Variants in DIAPH2 observed in about 807,000 individuals in gnomAD.
DIAPH2 encodes diaphanous related formin 2.
DIAPH2 carries 35 observed loss-of-function variants against 92.7 expected under a neutral mutation model. That is an observed-to-expected ratio of 0.38 (90% confidence interval 0.29 to 0.50). The LOEUF is 0.50. Ranked by LOEUF, DIAPH2 falls within the 20% of genes least tolerant of loss-of-function variation. The pLI is 0.94. For missense variants in DIAPH2, 701 were observed against 819.5 expected (o/e 0.86, Z 1.77); for synonymous variants, 301 against 280.4 (o/e 1.07, Z -0.73).
intron 26 of DIAPH2, among the ~76,000 whole-genome samples, chrX:97,531,404 C>T (rs1156396265): frequency 2.7e-5 from 3 of 111,722 alleles, no homozygotes; most frequent in South Asian, 3.8e-4. Context: ...TGAGAGACCT[C>T]GTTAGACTCA....
chrX:97,133,929 G>T (rs2067154396), intron 21 of DIAPH2, among the ~76,000 whole-genome samples: 2 of 112,101 alleles, frequency 1.8e-5, no homozygotes, highest in Non-Finnish European at 3.8e-5. Context: ...ACTGAAACCC[G>T]ATGTCTGCAA....
chrX:97,053,910 C>T (rs1250514687), intron 17 of DIAPH2, among the ~76,000 whole-genome samples: 2 of 111,971 alleles, frequency 1.8e-5, no homozygotes, highest in East Asian at 5.6e-4. Context: ...GCAGTCACTT[C>T]AGGCTCTAGG....
intron 23 of DIAPH2, among the ~76,000 whole-genome samples, chrX:97,262,092 T>TAAAA (rs35665297): frequency 0.039 from 2,273 of 58,327 alleles, 2 homozygotes; most frequent in African/African-American, 0.05. Context: ...GATGAGAAAC[T>TAAAA]AAAAAAAAAA....
intron 1 of DIAPH2, among the ~76,000 whole-genome samples, chrX:96,688,381 C>A (rs1282310824): frequency 1.8e-5 from 2 of 112,484 alleles, no homozygotes; most frequent in Admixed American, 1.9e-4. Flanking sequence ...GTTGCCCAGG[C>A]TGGAGTGCAG....
chrX:96,930,698 G>GT (rs781346787), intron 9 of DIAPH2, 35 bp from the exon 10 acceptor site: 1 of 1,092,134 alleles, frequency 9.2e-7, no homozygotes, highest in South Asian at 2.0e-5. Context: ...AATTTAATGT[G>GT]TTTTTTTAAA....
chrX:97,195,660 CAA>C (rs35918745), intron 22 of DIAPH2, among the ~76,000 whole-genome samples: 3 of 52,607 alleles, frequency 5.7e-5, no homozygotes, highest in Admixed American at 2.5e-4. Context: ...GACTCCGTCT[CAA>C]AAAAAAAAAA....
chrX:97,577,578 G>T (rs2071407088), intron 26 of DIAPH2, among the ~76,000 whole-genome samples: 1 of 111,776 alleles, frequency 8.9e-6, no homozygotes, highest in African/African-American at 3.3e-5. Flanking sequence ...GGCTTTGAAG[G>T]ATAAGTAGTC....
intron 22 of DIAPH2, among the ~76,000 whole-genome samples, chrX:97,191,565 G>A (rs966040644): frequency 2.7e-5 from 3 of 110,998 alleles, no homozygotes; most frequent in African/African-American, 9.8e-5. Context: ...GCTGCAGGCT[G>A]CTCAAAGTAT....
intron 9 of DIAPH2, among the ~76,000 whole-genome samples, chrX:96,925,197 C>T (rs2065572735): frequency 9.0e-6 from 1 of 110,650 alleles, no homozygotes; most frequent in South Asian, 3.9e-4. Context: ...TCAGCTGCCT[C>T]CTGACTAGAT....
chrX:97,456,382 G>A (rs1271567637), intron 26 of DIAPH2, among the ~76,000 whole-genome samples: 4 of 106,687 alleles, frequency 3.7e-5, no homozygotes, highest in Non-Finnish European at 5.8e-5. Context: ...GCAAGACTCC[G>A]TCTCAGAAAA....
intron 4 of DIAPH2, among the ~76,000 whole-genome samples, chrX:96,788,506 C>T (rs1050961376): frequency 9.0e-6 from 1 of 111,677 alleles, no homozygotes; most frequent in African/African-American, 3.3e-5. Context: ...GGCCAACCAC[C>T]TCCCAACCCG....
chrX:97,149,971 GA>G (rs1472497117), intron 22 of DIAPH2, among the ~76,000 whole-genome samples: 1 of 109,738 alleles, frequency 9.1e-6, no homozygotes, highest in Non-Finnish European at 1.9e-5. Flanking sequence ...TAAAATAAGA[GA>G]AAAAATAAGA....
chrX:97,185,411 G>GTGTA lies in DIAPH2; in HGVS notation c.2719+43618_2719+43619insGTAT, dbSNP rs2067582842. On this transcript the variant is annotated intron_variant, in intron 22 of 26. Coordinates refer to ENST00000324765, the MANE Select transcript of DIAPH2 (RefSeq NM_006729.5). ...TATATATGTGTATATATATATATAT[G>GTGTA]TATATATATATGTATATATATATGT... is the stretch of plus-strand genomic sequence containing the variant. Among the ~76,000 whole-genome samples the GTGTA allele has an allele frequency of 2.6e-3, 69 of 26,628 alleles. 1 individual carries two copies. The highest frequency in any genetic ancestry group is 3.5e-3 in the Non-Finnish European group (58 of 16,780). 23.1% of individuals were successfully genotyped at this position (26,628 alleles called of 115,157 possible). A position where few individuals can be genotyped will look rare whatever the true frequency, so the allele number is the denominator to read the frequency against.
At chrX:97,327,031 T>G (rs978246736) in intron 23 of DIAPH2, among the ~76,000 whole-genome samples, 1 of 112,677 alleles carries the variant, frequency 8.9e-6, no homozygotes, top group Non-Finnish European at 1.9e-5. Context: ...CCCTGCATTC[T>G]AAAATAAGAG....
At chrX:96,924,536 T>C (rs774369844) in intron 9 of DIAPH2, among the ~76,000 whole-genome samples, 1 of 111,681 alleles carries the variant, frequency 9.0e-6, no homozygotes, top group South Asian at 3.8e-4. Flanking sequence ...TTGGCACTAT[T>C]GATCACTCCT....
intron 17 of DIAPH2, among the ~76,000 whole-genome samples, chrX:97,037,331 G>A (rs988401077): frequency 2.7e-5 from 3 of 111,153 alleles, no homozygotes; most frequent in African/African-American, 9.8e-5. Flanking sequence ...CCTGCTGCCT[G>A]TCGAAGCACT....
intron 23 of DIAPH2, among the ~76,000 whole-genome samples, chrX:97,299,622 T>C (rs1422558509): frequency 8.9e-6 from 1 of 112,335 alleles, no homozygotes; most frequent in Non-Finnish European, 1.9e-5. Flanking sequence ...ACATCTGATA[T>C]AAAGTTATTC....
chrX:97,007,267 C>T (rs928615765), intron 17 of DIAPH2, among the ~76,000 whole-genome samples: 3 of 111,497 alleles, frequency 2.7e-5, no homozygotes, highest in South Asian at 3.8e-4. Context: ...TTACTATTAC[C>T]GGTGAATTTT....
chrX:97,070,469 A>G (rs748720849), intron 17 of DIAPH2, among the ~76,000 whole-genome samples: 48 of 111,932 alleles, frequency 4.3e-4, no homozygotes, highest in Non-Finnish European at 7.7e-4. Context: ...TTAACATATG[A>G]TGTGTTGAAC....
Sources: gnomAD v4.1 joint callset for allele counts (sites outside exome capture counted in the v4.1 genomes callset) on GRCh38, gnomAD v4.1.1 for gene constraint, MANE v1.5 for transcripts, NCBI Gene and HGNC (gene_info 2026-07-23, HGNC 2026-07-21) for gene names.